Variants in ZUP1 observed in about 807,000 individuals in gnomAD.
The protein encoded by ZUP1 is zinc finger containing ubiquitin peptidase 1.
A neutral mutation model predicts 68.1 loss-of-function variants in ZUP1; 55 were observed. The observed-to-expected ratio is 0.81, with a 90% CI of 0.65 to 1.01. The LOEUF is 1.01. Ranked by LOEUF, ZUP1 falls within the 50% of genes least tolerant of loss-of-function variation. The pLI, the probability that ZUP1 is intolerant of heterozygous loss-of-function variation, is 0.00. For synonymous variants in ZUP1, 223 were observed against 221.5 expected, an observed-to-expected ratio of 1.01 and a Z score of -0.06; for missense variants, 684 against 674.9, an observed-to-expected ratio of 1.01 and a Z score of -0.15.
chr6:116,661,011 T>C (rs1246094560), intron 2 of ZUP1, among the ~76,000 whole-genome samples, 165 bp from the exon 3 acceptor site: 2 of 151,740 alleles, frequency 1.3e-5, no homozygotes, highest in African/African-American at 2.4e-5. Context: ...CCCAAGTAGA[T>C]GGGGCTAAAG....
At chr6:116,653,143 T>G (rs1465366321) in intron 5 of ZUP1, among the ~76,000 whole-genome samples, 1 of 152,056 alleles carries the variant, frequency 6.6e-6, no homozygotes, top group Non-Finnish European at 1.5e-5. Context: ...ACAAGGGACA[T>G]CTGACTCGGC....
At position 116,656,844 on chromosome 6, in the gene ZUP1, A is replaced by G; in HGVS notation, c.801T>C (p.Tyr267=). ...TGTATCCTCCAGAATTATCTAAACC[A>G]TATTGTCTCTATTGAACATAAAAAT... ...IEEFQKLQRQ[Y]GLDNSGGYKQ... is the part of the protein sequence containing the mutation. Residue 267 remains tyrosine (Y), a synonymous_variant, in exon 5 of 10, where the codon TAT becomes TAC. Coordinates refer to ENST00000368576, the MANE Select transcript of ZUP1 (RefSeq NM_145062.3). The G allele has an allele frequency of 1.3e-6, 2 of 1,594,726 alleles. No homozygotes were observed. The highest frequency in any genetic ancestry group is 1.7e-6 in the Non-Finnish European group (2 of 1,169,584).
chr6:116,638,412 T>C (rs1775968926), intron 9 of ZUP1, among the ~76,000 whole-genome samples: 2 of 152,344 alleles, frequency 1.3e-5, no homozygotes, highest in Non-Finnish European at 2.9e-5. Context: ...ATTCAATTCC[T>C]AGGAATTTTT....
At chr6:116,656,296 C>A (rs55881531) in intron 5 of ZUP1, among the ~76,000 whole-genome samples, 29,949 of 151,860 alleles carry the variant, frequency 0.2, 3,081 homozygotes, top group East Asian at 0.29. Context: ...GTTGGTTAGG[C>A]TAGTCTCGAA....
chr6:116,642,690 A>G (rs1434514941), intron 9 of ZUP1, among the ~76,000 whole-genome samples: 1 of 152,186 alleles, frequency 6.6e-6, no homozygotes, highest in Non-Finnish European at 1.5e-5. Context: ...CGTATCTCAA[A>G]ATAATAAGAG....
Position 116,666,961 on chromosome 6 carries a change from CT to C in ZUP1, c.231del (p.Asp78ThrfsTer30), listed in dbSNP as rs1478489410. Reference sequence around the variant, plus strand: ...TCCATTCCACACTGTAGGGTGTTGTCTTTCTTGTTATCTGAAGTTCCATATT... The same window carrying C: ...TCCATTCCACACTGTAGGGTGTTGTCTTCTTGTTATCTGAAGTTCCATATT... ...TVQYGTSDNK[K>X]DNTLQCGMEV... On this transcript the variant is annotated frameshift_variant, in exon 2 of 10. Coordinates refer to ENST00000368576, the MANE Select transcript of ZUP1 (RefSeq NM_145062.3). LOFTEE classifies it high-confidence loss of function. The C allele has an allele frequency of 2.5e-6, 4 of 1,612,522 alleles. No individual in the cohort carries two copies.
At chr6:116,648,276 T>C (rs1033193994) in intron 7 of ZUP1, among the ~76,000 whole-genome samples, 8 of 152,192 alleles carry the variant, frequency 5.3e-5, no homozygotes, top group African/African-American at 1.9e-4. Context: ...TCAACAACTG[T>C]TTTTAAAAGG....
In ZUP1 at chr6:116,651,668, G is replaced by A; in HGVS notation, c.1220C>T (p.Pro407Leu). The A allele has an allele frequency of 1.2e-6, 2 of 1,613,764 alleles. No individual in the cohort carries two copies. Among genetic ancestry groups the A allele is most frequent in the African/African-American group, 2.7e-5 (2 of 74,984 alleles). Residue 407 changes from proline (P) to leucine (L), a missense_variant, in exon 7 of 10, where the codon CCT (proline) becomes CTT (leucine). Pro to Leu is a moderately conservative substitution (Grantham distance 98). Coordinates refer to ENST00000368576, the MANE Select transcript of ZUP1 (RefSeq NM_145062.3). ...GTTATTAAGTTGAGAGGCCCCCTGAGGATCAAAACCTTCCTTCCATGCATC... is the reference window on the plus strand; with the variant it reads ...GTTATTAAGTTGAGAGGCCCCCTGAAGATCAAAACCTTCCTTCCATGCATC... ...IEDAWKEGFD[P>L]QGASQLNNRL...
intron 5 of ZUP1, 73 bp from the exon 6 acceptor site, chr6:116,652,265 A>T: frequency 8.4e-7 from 1 of 1,193,890 alleles, no homozygotes; most frequent in Non-Finnish European, 1.2e-6. Context: ...TTTAATATCA[A>T]CCTCTCCTTC....
chr6:116,649,826 T>C (rs1440156896), intron 7 of ZUP1, among the ~76,000 whole-genome samples: 1 of 152,212 alleles, frequency 6.6e-6, no homozygotes, highest in Non-Finnish European at 1.5e-5. Context: ...TAATGTTTCA[T>C]TCTTCACTCT....
chr6:116,641,347 C>G (rs1021919018), intron 9 of ZUP1, among the ~76,000 whole-genome samples: 1 of 152,202 alleles, frequency 6.6e-6, no homozygotes, highest in Non-Finnish European at 1.5e-5. Flanking sequence ...ACCTAATAGA[C>G]ATCTACAGAA....
intron 9 of ZUP1, among the ~76,000 whole-genome samples, chr6:116,641,386 T>A (rs547468485): frequency 1.0e-3 from 154 of 151,754 alleles, no homozygotes; most frequent in Admixed American, 9.0e-3. Flanking sequence ...CAGAATATAC[T>A]TTTTTTTCAG....
intron 3 of ZUP1, among the ~76,000 whole-genome samples, 189 bp downstream of exon 3, chr6:116,660,547 C>T (rs1316291435): frequency 3.3e-5 from 5 of 152,200 alleles, no homozygotes; most frequent in Admixed American, 6.5e-5. Flanking sequence ...CAACAATTTT[C>T]GCTGACCAAA....
chr6:116,661,619 C>G (rs909579520), intron 2 of ZUP1, among the ~76,000 whole-genome samples: 2 of 152,054 alleles, frequency 1.3e-5, no homozygotes, highest in Non-Finnish European at 2.9e-5. Context: ...TTGCCAAAAA[C>G]AGAAATTGTT....
intron 9 of ZUP1, among the ~76,000 whole-genome samples, chr6:116,638,813 TA>T (rs1775984518): frequency 6.6e-6 from 1 of 152,100 alleles, no homozygotes; most frequent in African/African-American, 2.4e-5. Flanking sequence ...TTCATCTCAC[TA>T]GGGAGTGCCA....
intron 2 of ZUP1, among the ~76,000 whole-genome samples, chr6:116,661,510 C>G (rs989992353): frequency 1.3e-5 from 2 of 152,170 alleles, no homozygotes. Flanking sequence ...ACTTAAACAT[C>G]CAGCATAAAG....
intron 5 of ZUP1, among the ~76,000 whole-genome samples, chr6:116,653,085 G>C (rs17078184): frequency 0.19 from 28,582 of 151,830 alleles, 2,876 homozygotes; most frequent in East Asian, 0.29. Flanking sequence ...AAATGTCATC[G>C]ACCCCAACTA....
intron 5 of ZUP1, among the ~76,000 whole-genome samples, chr6:116,655,904 T>C (rs910893637): frequency 6.6e-6 from 1 of 152,132 alleles, no homozygotes; most frequent in African/African-American, 2.4e-5. Flanking sequence ...GGCTGCCCAA[T>C]TGAGTTGTGC....
chr6:116,656,591 T>G, intron 5 of ZUP1, 93 bp downstream of exon 5: 1 of 996,156 alleles, frequency 1.0e-6, no homozygotes, highest in Non-Finnish European at 1.5e-6. Flanking sequence ...TGTGCACAGA[T>G]TATGAAAATT....
Sources: allele counts gnomAD v4.1 joint callset (sites outside exome capture counted in the v4.1 genomes callset), GRCh38; gene constraint gnomAD v4.1.1; transcripts MANE v1.5; gene names NCBI Gene and HGNC (gene_info 2026-07-23, HGNC 2026-07-21).